SPNS3: variants seen among roughly 807,000 people sequenced by gnomAD.
The protein encoded by SPNS3 is protein spinster homolog 3.
A neutral mutation model predicts 54.4 loss-of-function variants in SPNS3; 51 were observed. The ratio of observed to expected loss-of-function variants is 0.94; its 90% CI spans 0.75 to 1.18. The LOEUF is 1.18. SPNS3 is among the 50% of genes most tolerant of loss of function. SPNS3 has a pLI of 0.00. For synonymous variants in SPNS3, 309 were observed against 294.7 expected, an observed-to-expected ratio of 1.05 and a Z score of -0.50; for missense variants, 669 against 677.4, an observed-to-expected ratio of 0.99 and a Z score of 0.14.
chr17:4,478,799 C>A (rs1232852367), intron 9 of SPNS3, among the ~76,000 whole-genome samples, 162 bp downstream of exon 9: 2 of 152,206 alleles, frequency 1.3e-5, no homozygotes, highest in Non-Finnish European at 2.9e-5. Context: ...CTGACACTCT[C>A]AAACATCTCT....
chr17:4,448,113 A>ATAATATGC (rs1971046649), intron 5 of SPNS3, 42 bp from the exon 6 acceptor site: 1 of 1,532,246 alleles, frequency 6.5e-7, no homozygotes, highest in South Asian at 1.3e-5. Context: ...TTGGGCTGTG[A>ATAATATGC]TAATATGCGG....
At position 4,486,224 on chromosome 17, in the gene SPNS3, G is replaced by T; in HGVS notation, c.1180-4G>T. 1 of 1,539,220 alleles carries T rather than the reference G, an allele frequency of 6.5e-7. No individual in the cohort carries two copies. Among genetic ancestry groups the T allele is most frequent in the East Asian group, 2.3e-5 (1 of 43,632 alleles). ...TGCCCCCCTGCTGTGCCTATGTTTT[G>T]CAGTCTGTGGTGGTGCCCAGATGCC... On this transcript the variant is annotated splice_region_variant and splice_polypyrimidine_tract_variant and intron_variant, in intron 9 of 11. Transcript: ENST00000355530. The surrounding 1 kb of genome is among the most constrained non-coding windows in gnomAD (Gnocchi z 5.5).
rs949812306 is a variant in SPNS3 at position 4,486,770 on chromosome 17, C to T, written c.1450+187C>T. Reference sequence around the variant, plus strand: ...GAAAGAATGAGGCCAAGTCCAGGCCCCTGTAGAAACTGACACTGTAGTTGG... The same window carrying T: ...GAAAGAATGAGGCCAAGTCCAGGCCTCTGTAGAAACTGACACTGTAGTTGG... On this transcript the variant is annotated intron_variant, in intron 11 of 11. Transcript: ENST00000355530. This position sits in a 1 kb window ranked among gnomAD's most constrained non-coding sequence, Gnocchi z 5.5. Among the ~76,000 whole-genome samples, 2 of 152,138 alleles carry T rather than the reference C, an allele frequency of 1.3e-5. No individual in the cohort carries two copies. The highest frequency in any genetic ancestry group is 4.8e-5 in the African/African-American group (2 of 41,408).
chr17:4,471,891 C>G (rs1294189155), intron 8 of SPNS3, among the ~76,000 whole-genome samples: 1 of 151,676 alleles, frequency 6.6e-6, no homozygotes, highest in Non-Finnish European at 1.5e-5. Context: ...CAGAGTCTCA[C>G]TCTGTCGCCC....
At chr17:4,475,170 G>A (rs975853001) in intron 8 of SPNS3, among the ~76,000 whole-genome samples, 2 of 152,168 alleles carry the variant, frequency 1.3e-5, no homozygotes, top group African/African-American at 4.8e-5. Context: ...GTCTGGAATG[G>A]CAGAGGCCAG....
intron 1 of SPNS3, among the ~76,000 whole-genome samples, chr17:4,436,208 T>A (rs1218579938): frequency 1.3e-5 from 2 of 151,766 alleles, no homozygotes; most frequent in Non-Finnish European, 2.9e-5. Context: ...CTCAGGAGGG[T>A]GCCTGCAGCT....
At chr17:4,454,253 C>T (rs1465707945) in intron 8 of SPNS3, among the ~76,000 whole-genome samples, 1 of 152,248 alleles carries the variant, frequency 6.6e-6, no homozygotes, top group Non-Finnish European at 1.5e-5. Flanking sequence ...AGCCGTGTCC[C>T]TGGCTCCCCA....
At chr17:4,480,892 A>G (rs1235780164) in intron 9 of SPNS3, among the ~76,000 whole-genome samples, 1 of 152,182 alleles carries the variant, frequency 6.6e-6, no homozygotes, top group Admixed American at 6.5e-5. Flanking sequence ...CCCGTGGCCA[A>G]AGATGCCTTT....
intron 8 of SPNS3, among the ~76,000 whole-genome samples, chr17:4,475,772 G>A (rs8070786): frequency 0.17 from 26,173 of 152,176 alleles, 2,536 homozygotes; most frequent in African/African-American, 0.26. Context: ...GAGCAGCTTC[G>A]AACAGTCAGC....
At chr17:4,456,239 A>C (rs1971311480) in intron 8 of SPNS3, among the ~76,000 whole-genome samples, 1 of 152,118 alleles carries the variant, frequency 6.6e-6, no homozygotes. Context: ...GGCATGAGCC[A>C]CCGCGCCTGG....
chr17:4,467,387 T>G (rs879756692), intron 8 of SPNS3, among the ~76,000 whole-genome samples: 32 of 152,124 alleles, frequency 2.1e-4, no homozygotes, highest in Non-Finnish European at 4.0e-4. Context: ...GCTGGATGGT[T>G]CCTCTGCTGG....
At chr17:4,457,564 G>A (rs953016614) in intron 8 of SPNS3, among the ~76,000 whole-genome samples, 2 of 152,234 alleles carry the variant, frequency 1.3e-5, no homozygotes, top group African/African-American at 4.8e-5. Flanking sequence ...GGGAGCTGAT[G>A]GGGGCTGGTG....
rs1555531860 is a variant in SPNS3 at position 4,468,721 on chromosome 17, T to TTTTCTTTATTTCTTTCTTTC, written c.1114-9844_1114-9843insATTTCTTTCTTTCTTTCTTT. Among the ~76,000 whole-genome samples the TTTTCTTTATTTCTTTCTTTC allele has an allele frequency of 5.8e-5, 7 of 121,450 alleles. No homozygotes were observed. In the East Asian group the frequency reaches 1.7e-3, roughly 29 times the overall value. 79.7% of individuals were successfully genotyped at this position (121,450 alleles called of 152,430 possible). On this transcript the variant is annotated intron_variant, in intron 8 of 11. Transcript: ENST00000355530. ...TTTTCTTTATTTCTCTCTCTCTTTCTTTTCTTTCTTTCTTTCTTTCTTTCT... is the reference window on the plus strand; with the variant it reads ...TTTTCTTTATTTCTCTCTCTCTTTCTTTTCTTTATTTCTTTCTTTCTTTCTTTCTTTCTTTCTTTCTTTCT...
Position 4,474,396 on chromosome 17 carries a change from G to T in SPNS3, c.1114-4176G>T, listed in dbSNP as rs190587833. 5.8e-4 allele frequency among the ~76,000 whole-genome samples: 88 copies of T among 152,290 alleles called. 1 individual carries two copies. Among genetic ancestry groups the T allele is most frequent in the African/African-American group, 1.6e-3 (68 of 41,552 alleles). On this transcript the variant is annotated intron_variant, in intron 8 of 11. Coordinates refer to ENST00000355530, the MANE Select transcript of SPNS3 (RefSeq NM_182538.5). ...ACTGGCTCAGGCAAAGAGATCGTCC[G>T]TGAGGGAGGAGGTTTGGGTCTCAGC...
Position 4,470,954 on chromosome 17 carries a change from C to T in SPNS3, c.1114-7618C>T, listed in dbSNP as rs150839478. Among the ~76,000 whole-genome samples the T allele has an allele frequency of 2.7e-3, 410 of 152,100 alleles. 4 individuals are homozygous for T. Among genetic ancestry groups the T allele is most frequent in the Non-Finnish European group, 3.2e-3 (218 of 68,000 alleles). On this transcript the variant is annotated intron_variant, in intron 8 of 11. Coordinates refer to ENST00000355530, the MANE Select transcript of SPNS3 (RefSeq NM_182538.5). ...TTCTTTTTTTTGTGAGACACAGTTT[C>T]GCTCTTGTTGCCCAGGCTGGAGTGG...
chr17:4,454,968 C>T (rs1018436868), intron 8 of SPNS3, among the ~76,000 whole-genome samples: 19 of 149,682 alleles, frequency 1.3e-4, no homozygotes, highest in Non-Finnish European at 2.2e-4. Flanking sequence ...GGCTGGAGTG[C>T]GGTGGCGCGA....
Position 4,449,218 on chromosome 17 carries a change from G to A in SPNS3, c.771-17G>A, listed in dbSNP as rs765680275. 1 of 1,608,080 alleles carries A rather than the reference G, an allele frequency of 6.2e-7. No individual in the cohort carries two copies. The highest frequency in any genetic ancestry group is 2.2e-5 in the East Asian group (1 of 44,808). On this transcript the variant is annotated splice_polypyrimidine_tract_variant and intron_variant, in intron 6 of 11. Coordinates refer to ENST00000355530, the MANE Select transcript of SPNS3 (RefSeq NM_182538.5). ...CCAGCCCTCTCCCAACTCCAGCTGGGGCACCTCGTCTTGCAGCTGGAGTTT... is the reference window on the plus strand; with the variant it reads ...CCAGCCCTCTCCCAACTCCAGCTGGAGCACCTCGTCTTGCAGCTGGAGTTT...
In SPNS3 at chr17:4,483,195, C is replaced by T. The variant is rs1167345705; in HGVS notation, c.1180-3033C>T. Among the ~76,000 whole-genome samples, 2 of 152,212 alleles carry T rather than the reference C, an allele frequency of 1.3e-5. No homozygotes were observed. The highest frequency in any genetic ancestry group is 1.5e-5 in the Non-Finnish European group (1 of 68,030). On this transcript the variant is annotated intron_variant, in intron 9 of 11. Transcript: ENST00000355530. The surrounding 1 kb of genome is among the most constrained non-coding windows in gnomAD (Gnocchi z 4.2). ...GTGCAGGAGGCAGGCTGCCTGGTGGCTGCTGCTCCGACTTGCTGCAAGCCC... is the reference window on the plus strand; with the variant it reads ...GTGCAGGAGGCAGGCTGCCTGGTGGTTGCTGCTCCGACTTGCTGCAAGCCC...
At chr17:4,473,393 CTTT>C (rs57102011) in intron 8 of SPNS3, among the ~76,000 whole-genome samples, 4 of 129,654 alleles carry the variant, frequency 3.1e-5, no homozygotes, top group Non-Finnish European at 3.3e-5. Flanking sequence ...TCTTCCCAGT[CTTT>C]TTTTTTTTTT....
Sources: allele counts gnomAD v4.1 joint callset (sites outside exome capture counted in the v4.1 genomes callset), GRCh38; gene constraint gnomAD v4.1.1; non-coding constraint Gnocchi (gnomAD v3.1); transcripts MANE v1.5; gene names NCBI Gene and HGNC (gene_info 2026-07-23, HGNC 2026-07-21).